CNTN6: variants seen among roughly 807,000 people sequenced by gnomAD.
CNTN6 encodes contactin-6.
In CNTN6, 137 loss-of-function variants were observed where a neutral mutation model predicts 122.8. The ratio of observed to expected loss-of-function variants is 1.12; its 90% confidence interval spans 0.97 to 1.29. The LOEUF is 1.29. CNTN6 is among the 50% of genes most tolerant of loss of function. The pLI is 0.00. For synonymous variants in CNTN6, 570 were observed against 426.0 expected (o/e 1.34, Z -4.16); for missense variants, 1,634 against 1,223.4 (o/e 1.34, Z -5.01).
At chr3:1,346,783 A>G (rs1267006759) in intron 11 of CNTN6, among the ~76,000 whole-genome samples, 1 of 152,178 alleles carries the variant, frequency 6.6e-6, no homozygotes, top group Non-Finnish European at 1.5e-5. Flanking sequence ...TAGTTCCTTA[A>G]AGTAACACAA....
At chr3:1,235,153 G>C (rs2094405207) in intron 4 of CNTN6, among the ~76,000 whole-genome samples, 1 of 152,258 alleles carries the variant, frequency 6.6e-6, no homozygotes. Flanking sequence ...GCAGGAGCTA[G>C]TCTTTTTAGT....
chr3:1,237,879 C>T (rs778872286), intron 4 of CNTN6, among the ~76,000 whole-genome samples: 11 of 151,980 alleles, frequency 7.2e-5, no homozygotes, highest in Non-Finnish European at 1.6e-4. Context: ...CAAGCCAACA[C>T]AAGAACAGCT....
intron 1 of CNTN6, among the ~76,000 whole-genome samples, chr3:1,111,627 C>T (rs1234177460): frequency 1.3e-5 from 2 of 152,140 alleles, no homozygotes. Flanking sequence ...ATTAAATATT[C>T]TGGTGAAACA....
At chr3:1,133,382 GACTGCCTATAAA>G (rs1441065746) in intron 1 of CNTN6, among the ~76,000 whole-genome samples, 1 of 152,124 alleles carries the variant, frequency 6.6e-6, no homozygotes, top group Non-Finnish European at 1.5e-5. Flanking sequence ...TGAGAGTGCA[GACTGCCTATAAA>G]ATATTGTTCT....
At chr3:1,383,988 TCTTC>T (rs1326425598) in intron 19 of CNTN6, among the ~76,000 whole-genome samples, 2 of 149,736 alleles carry the variant, frequency 1.3e-5, no homozygotes, top group Non-Finnish European at 3.0e-5. Flanking sequence ...TTTCAGTCAG[TCTTC>T]AATCTGGTCC....
At chr3:1,275,398 C>A (rs952318632) in intron 4 of CNTN6, among the ~76,000 whole-genome samples, 6 of 152,100 alleles carry the variant, frequency 3.9e-5, no homozygotes, top group African/African-American at 1.4e-4. Flanking sequence ...CACATATGAC[C>A]AACATTGTTT....
chr3:1,170,166 G>C (rs148797481), intron 2 of CNTN6, among the ~76,000 whole-genome samples: 2 of 147,486 alleles, frequency 1.4e-5, no homozygotes, highest in East Asian at 4.0e-4. Flanking sequence ...GAACCCGTGA[G>C]GCAGAGGTTG....
chr3:1,393,463 C>G (rs141607426), intron 20 of CNTN6, among the ~76,000 whole-genome samples: 2 of 136,354 alleles, frequency 1.5e-5, no homozygotes, highest in South Asian at 2.5e-4. Flanking sequence ...TGCTAGATGA[C>G]GAGTTAGTGG....
chr3:1,388,323 G>C (rs867220273), intron 20 of CNTN6, among the ~76,000 whole-genome samples: 1 of 146,030 alleles, frequency 6.8e-6, no homozygotes, highest in Admixed American at 7.0e-5. Context: ...ACACGGCAGG[G>C]TATGCCAACA....
intron 7 of CNTN6, among the ~76,000 whole-genome samples, chr3:1,306,281 C>T (rs965187993): frequency 2.0e-5 from 3 of 152,046 alleles, no homozygotes; most frequent in Admixed American, 6.6e-5. Context: ...TTCTATAACA[C>T]GATATTATCA....
chr3:1,125,805 A>G (rs1394181), intron 1 of CNTN6, among the ~76,000 whole-genome samples: 12 of 150,964 alleles, frequency 7.9e-5, no homozygotes, highest in Non-Finnish European at 3.0e-5. Context: ...TAATGATGAT[A>G]TGACAACCAC....
At chr3:1,132,988 A>G (rs1185671060) in intron 1 of CNTN6, among the ~76,000 whole-genome samples, 1 of 152,134 alleles carries the variant, frequency 6.6e-6, no homozygotes, top group Non-Finnish European at 1.5e-5. Flanking sequence ...AGGCACTCAT[A>G]AGTAGCAACC....
chr3:1,103,024 G>T lies in CNTN6; in HGVS notation c.-83+9904G>T, dbSNP rs529941459. On this transcript the variant is annotated intron_variant, in intron 1 of 22. Transcript: ENST00000446702. The stretch of plus-strand genomic sequence containing the variant: ...GGGAGGCTGAGGCAGGAGAATGGCG[G>T]GAACCCGGGAGGCGGAGCTTGCAGT... Among the ~76,000 whole-genome samples, 84 of 151,122 alleles carry T rather than the reference G, an allele frequency of 5.6e-4. 1 individual carries two copies. Among genetic ancestry groups the T allele is most frequent in the South Asian group, 1.0e-3 (5 of 4,792 alleles).
chr3:1,285,811 A>G (rs1694232526), intron 5 of CNTN6, among the ~76,000 whole-genome samples: 1 of 152,194 alleles, frequency 6.6e-6, no homozygotes, highest in Non-Finnish European at 1.5e-5. Flanking sequence ...GAGACACTTA[A>G]AAGTTTTTAA....
At chr3:1,291,173 C>G (rs1337912016) in intron 5 of CNTN6, among the ~76,000 whole-genome samples, 14 of 152,160 alleles carry the variant, frequency 9.2e-5, no homozygotes, top group Non-Finnish European at 2.1e-4. Context: ...ACTGTTAGTT[C>G]TTGCACCCTT....
At chr3:1,314,626 A>T (rs1237537685) in intron 7 of CNTN6, among the ~76,000 whole-genome samples, 1 of 152,108 alleles carries the variant, frequency 6.6e-6, no homozygotes, top group Non-Finnish European at 1.5e-5. Flanking sequence ...ACTAGGTCAG[A>T]TGGTTAAGAA....
intron 2 of CNTN6, among the ~76,000 whole-genome samples, chr3:1,179,871 A>C (rs1197576557): frequency 6.6e-6 from 1 of 152,086 alleles, no homozygotes; most frequent in Non-Finnish European, 1.5e-5. Context: ...AGCCAGTTAA[A>C]ATTTGTTTTA....
intron 1 of CNTN6, among the ~76,000 whole-genome samples, chr3:1,146,147 A>T (rs1304335313): frequency 1.3e-5 from 2 of 152,226 alleles, no homozygotes; most frequent in East Asian, 1.9e-4. Flanking sequence ...GTAGCCAGAG[A>T]TATAACATAA....
At chr3:1,172,492 A>G (rs2093374318) in intron 2 of CNTN6, among the ~76,000 whole-genome samples, 1 of 152,210 alleles carries the variant, frequency 6.6e-6, no homozygotes, top group African/African-American at 2.4e-5. Flanking sequence ...AGATCAAAAG[A>G]AAGTGCATTT....
Sources: allele counts gnomAD v4.1 joint callset (sites outside exome capture counted in the v4.1 genomes callset), GRCh38; gene constraint gnomAD v4.1.1; transcripts MANE v1.5; gene names NCBI Gene and HGNC (gene_info 2026-07-23, HGNC 2026-07-21).